GALNT18: variants seen among roughly 807,000 people sequenced by gnomAD.
The protein encoded by GALNT18 is GalNAc-transferase 18.
A neutral mutation model predicts 69.5 loss-of-function variants in GALNT18; 44 were observed. The observed-to-expected ratio is 0.63, with a 90% CI of 0.50 to 0.81. The LOEUF (loss-of-function observed/expected upper bound fraction) is 0.81. Ranked by LOEUF, GALNT18 falls within the 40% of genes least tolerant of loss-of-function variation. The pLI is 0.00. For synonymous variants in GALNT18, 364 were observed against 318.2 expected, an observed-to-expected ratio of 1.14 and a Z score of -1.53; for missense variants, 715 against 810.0, an observed-to-expected ratio of 0.88 and a Z score of 1.42.
At chr11:11,519,754 G>A (rs1857355063) in intron 1 of GALNT18, among the ~76,000 whole-genome samples, 2 of 152,184 alleles carry the variant, frequency 1.3e-5, no homozygotes, top group African/African-American at 4.8e-5. Context: ...AGCAACCAGG[G>A]GAAGGAGGGA....
intron 6 of GALNT18, among the ~76,000 whole-genome samples, chr11:11,361,641 T>G (rs2133080721): frequency 6.6e-6 from 1 of 152,342 alleles, no homozygotes; most frequent in East Asian, 1.9e-4. Flanking sequence ...CTACATCTCT[T>G]ACAGCTTATA....
Position 11,543,163 on chromosome 11 carries a change from A to T in GALNT18, c.235+78196T>A, listed in dbSNP as rs1310986733. On this transcript the variant is annotated intron_variant, in intron 1 of 10. Coordinates refer to ENST00000227756, the MANE Select transcript of GALNT18 (RefSeq NM_198516.3). This position sits in a 1 kb window ranked among gnomAD's most constrained non-coding sequence, Gnocchi z 5.1. ...TCTGGTCTTTCTACCTCTGCCACTT[A>T]GGGAGTAGAGCCTGCCAAATGGCTA... is the stretch of plus-strand genomic sequence containing the variant. Among the ~76,000 whole-genome samples the T allele has an allele frequency of 6.6e-6, 1 of 152,194 alleles. No homozygotes were observed. Among genetic ancestry groups the T allele is most frequent in the Non-Finnish European group, 1.5e-5 (1 of 68,022 alleles).
chr11:11,538,979 C>T lies in GALNT18; in HGVS notation c.235+82380G>A, dbSNP rs1016828178. On this transcript the variant is annotated intron_variant, in intron 1 of 10. Coordinates refer to ENST00000227756, the MANE Select transcript of GALNT18 (RefSeq NM_198516.3). This position sits in a 1 kb window ranked among gnomAD's most constrained non-coding sequence, Gnocchi z 5.2. ...TTTTCACTCAGTCCCAGGATGTGGG[C>T]ATATCCAGAGCAGGGACCTAACTAT... 2.0e-5 allele frequency among the ~76,000 whole-genome samples: 3 copies of T among 152,190 alleles called. No homozygotes were observed. Among genetic ancestry groups the T allele is most frequent in the Non-Finnish European group, 4.4e-5 (3 of 68,026 alleles).
At chr11:11,343,921 C>T (rs1237858763) in intron 6 of GALNT18, among the ~76,000 whole-genome samples, 1 of 152,154 alleles carries the variant, frequency 6.6e-6, no homozygotes, top group Non-Finnish European at 1.5e-5. Context: ...GCATGACTGT[C>T]CAGCACCTGA....
intron 1 of GALNT18, among the ~76,000 whole-genome samples, chr11:11,537,300 T>C (rs1857801812): frequency 6.6e-6 from 1 of 152,108 alleles, no homozygotes; most frequent in African/African-American, 2.4e-5. Flanking sequence ...CTGTTCAATA[T>C]ACAAATAAAG....
Position 11,532,519 on chromosome 11 carries a change from A to G in GALNT18, c.236-83583T>C, listed in dbSNP as rs140023280. On this transcript the variant is annotated intron_variant, in intron 1 of 10. Coordinates refer to ENST00000227756, the MANE Select transcript of GALNT18 (RefSeq NM_198516.3). ...GTCATGGCCACACGGTGGGCACTCA[A>G]TCAATGCTCATAAAACCGAACTGAA... Among the ~76,000 whole-genome samples, 74 of 152,320 alleles carry G rather than the reference A, an allele frequency of 4.9e-4. 3 individuals are homozygous for G. In the East Asian group the frequency reaches 0.013, roughly 26 times the overall value.
intron 9 of GALNT18, among the ~76,000 whole-genome samples, chr11:11,310,176 A>G (rs12275946): frequency 0.55 from 84,115 of 151,976 alleles, 23,302 homozygotes; most frequent in Middle Eastern, 0.65. Flanking sequence ...TTCCACAACC[A>G]AGGCACGCAT....
At chr11:11,397,505 C>G (rs555486326) in intron 3 of GALNT18, among the ~76,000 whole-genome samples, 12 of 152,296 alleles carry the variant, frequency 7.9e-5, no homozygotes, top group African/African-American at 2.9e-4. Flanking sequence ...ACTCTGTTGC[C>G]TAAGCTGGAG....
intron 9 of GALNT18, among the ~76,000 whole-genome samples, chr11:11,321,808 T>C (rs1038782321): frequency 4.6e-5 from 7 of 152,204 alleles, no homozygotes; most frequent in African/African-American, 1.7e-4. Context: ...TTTTGCCATG[T>C]TGGCTAGGCT....
intron 9 of GALNT18, among the ~76,000 whole-genome samples, chr11:11,303,859 GA>G (rs1199908974): frequency 1.3e-5 from 2 of 152,228 alleles, no homozygotes; most frequent in Admixed American, 6.5e-5. Flanking sequence ...GACCTTTGGT[GA>G]AAAGCACATT....
intron 1 of GALNT18, among the ~76,000 whole-genome samples, chr11:11,607,432 T>C (rs1859783027): frequency 6.6e-6 from 1 of 152,218 alleles, no homozygotes; most frequent in African/African-American, 2.4e-5. Context: ...TTTTCTGCTA[T>C]CATTAGAAAG....
chr11:11,380,007 TGACAGCCCTCACAGTTGGTTG>T (rs1445269817), intron 3 of GALNT18, among the ~76,000 whole-genome samples: 1 of 152,252 alleles, frequency 6.6e-6, no homozygotes, highest in African/African-American at 2.4e-5. Flanking sequence ...CAAGAGCCCA[TGACAGCCCTCACAGTTGGTTG>T]GACAGGATTC....
At chr11:11,283,045 C>T (rs780292525) in intron 10 of GALNT18, among the ~76,000 whole-genome samples, 11 of 152,048 alleles carry the variant, frequency 7.2e-5, no homozygotes, top group Non-Finnish European at 1.5e-4. Flanking sequence ...AGGTGGCCCA[C>T]GGCAGAAATG....
chr11:11,429,320 C>T (rs1295269425), intron 3 of GALNT18, among the ~76,000 whole-genome samples: 1 of 152,214 alleles, frequency 6.6e-6, no homozygotes, highest in South Asian at 2.1e-4. Flanking sequence ...CTCTTCCTCC[C>T]GATGCCTACA....
At position 11,494,719 on chromosome 11, in the gene GALNT18, A is replaced by C. The variant is rs1856836958; in HGVS notation, c.236-45783T>G. ...AGTTCCTCTTCTATTCTGTCAGTAC[A>C]CACACTCCTCATCCTGGGGCATTTC... is the stretch of plus-strand genomic sequence containing the variant. On this transcript the variant is annotated intron_variant, in intron 1 of 10. Coordinates refer to ENST00000227756, the MANE Select transcript of GALNT18 (RefSeq NM_198516.3). The surrounding 1 kb of genome is among the most constrained non-coding windows in gnomAD (Gnocchi z 5.7). 6.6e-6 allele frequency among the ~76,000 whole-genome samples: 1 copy of C among 152,214 alleles called. No homozygotes were observed. Among genetic ancestry groups the C allele is most frequent in the African/African-American group, 2.4e-5 (1 of 41,456 alleles).
chr11:11,326,960 C>T (rs574523645), intron 9 of GALNT18, 126 bp downstream of exon 9: 5 of 678,606 alleles, frequency 7.4e-6, no homozygotes, highest in African/African-American at 5.3e-5. Flanking sequence ...GCCCCAGAGG[C>T]CCCTGGTCCC....
intron 3 of GALNT18, among the ~76,000 whole-genome samples, chr11:11,400,040 A>C (rs1320781396): frequency 1.3e-5 from 2 of 152,244 alleles, no homozygotes; most frequent in African/African-American, 2.4e-5. Flanking sequence ...AAAAAATAGA[A>C]TATGGCAGCA....
chr11:11,391,890 T>C (rs1854199750), intron 3 of GALNT18, among the ~76,000 whole-genome samples: 2 of 152,208 alleles, frequency 1.3e-5, no homozygotes, highest in Non-Finnish European at 2.9e-5. Flanking sequence ...GCCGGAGCCA[T>C]ACCCCAGCCC....
At position 11,594,516 on chromosome 11, in the gene GALNT18, T is replaced by C. The variant is rs115638311; in HGVS notation, c.235+26843A>G. On this transcript the variant is annotated intron_variant, in intron 1 of 10. Transcript: ENST00000227756. Reference sequence around the variant, plus strand: ...ACCCAGCCCTAGGCAACCTCTAATCTACTTTCTGTCTCTATAGACTTCTCT... The same window carrying C: ...ACCCAGCCCTAGGCAACCTCTAATCCACTTTCTGTCTCTATAGACTTCTCT... Among the ~76,000 whole-genome samples the C allele has an allele frequency of 5.6e-3, 852 of 152,262 alleles. 17 individuals carry two copies. Among genetic ancestry groups the C allele is most frequent in the African/African-American group, 0.019 (774 of 41,552 alleles).
Sources: gnomAD v4.1 joint callset for allele counts (sites outside exome capture counted in the v4.1 genomes callset) on GRCh38, gnomAD v4.1.1 for gene constraint, Gnocchi (gnomAD v3.1) non-coding constraint, MANE v1.5 for transcripts, NCBI Gene and HGNC (gene_info 2026-07-23, HGNC 2026-07-21) for gene names.